Variants in EFNA5 observed in about 807,000 individuals in gnomAD.
EFNA5 encodes the protein ephrin A5, also known as ephrin-A5.
A neutral mutation model predicts 22.9 loss-of-function variants in EFNA5; 5 were observed. That is an observed-to-expected ratio of 0.22 (90% CI 0.11 to 0.46). The LOEUF is 0.46. Among genes scored for constraint, EFNA5 ranks in the 20% least tolerant of loss-of-function variants. The pLI, the probability that EFNA5 is intolerant of heterozygous loss-of-function variation, is 0.99. For missense variants in EFNA5, 237 were observed against 293.3 expected, an observed-to-expected ratio of 0.81 and a Z score of 1.40; for synonymous variants, 113 against 112.2, an observed-to-expected ratio of 1.01 and a Z score of -0.04.
At chr5:107,585,627 A>G (rs944520020) in intron 1 of EFNA5, among the ~76,000 whole-genome samples, 5 of 152,206 alleles carry the variant, frequency 3.3e-5, no homozygotes, top group African/African-American at 4.8e-5. Context: ...CAGATACTAC[A>G]CCCACTATCC....
At chr5:107,669,717 G>T (rs1443036763) in intron 1 of EFNA5, among the ~76,000 whole-genome samples, 1 of 152,106 alleles carries the variant, frequency 6.6e-6, no homozygotes, top group South Asian at 2.1e-4. Flanking sequence ...TCGCCAGGCC[G>T]CGGGCGAAGG....
intron 1 of EFNA5, among the ~76,000 whole-genome samples, chr5:107,606,261 A>G (rs1015949441): frequency 6.6e-6 from 1 of 152,140 alleles, no homozygotes; most frequent in African/African-American, 2.4e-5. Context: ...ATGAACATTA[A>G]AATTGATTTT....
intron 1 of EFNA5, among the ~76,000 whole-genome samples, chr5:107,491,276 C>T (rs938302548): frequency 1.3e-5 from 2 of 152,172 alleles, no homozygotes; most frequent in African/African-American, 4.8e-5. Flanking sequence ...TTAATTCTAG[C>T]ATTTTCTCAA....
At chr5:107,489,203 T>C (rs573978662) in intron 1 of EFNA5, among the ~76,000 whole-genome samples, 7 of 152,328 alleles carry the variant, frequency 4.6e-5, no homozygotes, top group African/African-American at 9.6e-5. Context: ...AGATGGAGTC[T>C]TGCTCTGTCA....
chr5:107,515,019 G>A (rs1747447632), intron 1 of EFNA5, among the ~76,000 whole-genome samples: 1 of 152,174 alleles, frequency 6.6e-6, no homozygotes, highest in Non-Finnish European at 1.5e-5. Flanking sequence ...ACATGTGCAG[G>A]ATGGCAGCTC....
chr5:107,599,720 G>A (rs942446820), intron 1 of EFNA5, among the ~76,000 whole-genome samples: 1 of 152,204 alleles, frequency 6.6e-6, no homozygotes, highest in African/African-American at 2.4e-5. Flanking sequence ...ATAGGGCATG[G>A]AACAAAACTT....
intron 1 of EFNA5, among the ~76,000 whole-genome samples, chr5:107,532,164 G>A (rs375722119): frequency 6.6e-6 from 1 of 152,326 alleles, no homozygotes; most frequent in Non-Finnish European, 1.5e-5. Context: ...AGATGGGCAG[G>A]AGGAATTATT....
At chr5:107,604,083 A>C (rs1382323099) in intron 1 of EFNA5, among the ~76,000 whole-genome samples, 1 of 152,228 alleles carries the variant, frequency 6.6e-6, no homozygotes, top group Non-Finnish European at 1.5e-5. Flanking sequence ...GACGTGAACC[A>C]ATATTATTCT....
chr5:107,627,802 C>T (rs1177400273), intron 1 of EFNA5, among the ~76,000 whole-genome samples: 1 of 152,042 alleles, frequency 6.6e-6, no homozygotes, highest in African/African-American at 2.4e-5. Flanking sequence ...ATGATGTTTA[C>T]ACAAGTTGCA....
intron 4 of EFNA5, among the ~76,000 whole-genome samples, chr5:107,386,833 GAT>G (rs1480674648): frequency 6.6e-6 from 1 of 152,144 alleles, no homozygotes; most frequent in Non-Finnish European, 1.5e-5. Context: ...TTTATCTACA[GAT>G]TTGGACATAA....
intron 1 of EFNA5, among the ~76,000 whole-genome samples, chr5:107,465,054 T>G (rs1379320836): frequency 7.4e-6 from 1 of 135,284 alleles, no homozygotes; most frequent in African/African-American, 3.1e-5. Flanking sequence ...CTTTCCATTC[T>G]GTGTGAGGCT....
intron 1 of EFNA5, among the ~76,000 whole-genome samples, chr5:107,463,061 G>A (rs1415431289): frequency 5.9e-5 from 9 of 152,098 alleles, no homozygotes; most frequent in Admixed American, 5.9e-4. Flanking sequence ...GCGGGGGATG[G>A]AGTAGCTGAG....
At chr5:107,569,422 T>C (rs1189375916) in intron 1 of EFNA5, among the ~76,000 whole-genome samples, 1 of 145,106 alleles carries the variant, frequency 6.9e-6, no homozygotes, top group African/African-American at 2.5e-5. Context: ...TATTTATGTA[T>C]ATGTGTGTAT....
chr5:107,479,689 A>G (rs1375646958), intron 1 of EFNA5, among the ~76,000 whole-genome samples: 1 of 152,196 alleles, frequency 6.6e-6, no homozygotes, highest in Non-Finnish European at 1.5e-5. Flanking sequence ...AATTAAAACA[A>G]AAGAATAATA....
chr5:107,564,255 T>C (rs164697), intron 1 of EFNA5, among the ~76,000 whole-genome samples: 28,918 of 152,144 alleles, frequency 0.19, 3,039 homozygotes, highest in African/African-American at 0.24. Flanking sequence ...AAATTACTGT[T>C]AAAGGCAGAA....
At chr5:107,645,457 A>C (rs1750612613) in intron 1 of EFNA5, among the ~76,000 whole-genome samples, 1 of 152,250 alleles carries the variant, frequency 6.6e-6, no homozygotes. Flanking sequence ...TGCCAAATTT[A>C]TATCTAGCAA....
chr5:107,516,583 T>C (rs986404582), intron 1 of EFNA5, among the ~76,000 whole-genome samples: 1 of 152,166 alleles, frequency 6.6e-6, no homozygotes, highest in African/African-American at 2.4e-5. Flanking sequence ...CCAAACTGCT[T>C]CTTTGATACA....
At chr5:107,527,446 C>G (rs1221067179) in intron 1 of EFNA5, among the ~76,000 whole-genome samples, 1 of 151,994 alleles carries the variant, frequency 6.6e-6, no homozygotes, top group African/African-American at 2.4e-5. Flanking sequence ...GCCACCATGC[C>G]CAGCTAATTT....
intron 1 of EFNA5, among the ~76,000 whole-genome samples, chr5:107,563,813 G>C (rs1748598578): frequency 6.6e-6 from 1 of 152,142 alleles, no homozygotes; most frequent in African/African-American, 2.4e-5. Context: ...TGTGGCAGCA[G>C]ACTCCTAACT....
Sources: gnomAD v4.1 joint callset for allele counts (sites outside exome capture counted in the v4.1 genomes callset) on GRCh38, gnomAD v4.1.1 for gene constraint, MANE v1.5 for transcripts, NCBI Gene and HGNC (gene_info 2026-07-23, HGNC 2026-07-21) for gene names.